The following EPC2 variants were observed in gnomAD, a reference collection of about 807,000 sequenced individuals.
The protein encoded by EPC2 is enhancer of polycomb 2, also known as enhancer of polycomb homolog 2.
In EPC2, 14 loss-of-function variants were observed where a neutral mutation model predicts 92.1. The observed-to-expected ratio is 0.15, with a 90% CI of 0.10 to 0.24. The LOEUF is 0.24. Among genes scored for constraint, EPC2 ranks in the 10% least tolerant of loss-of-function variants. The pLI is 1.00. For missense variants in EPC2, 755 were observed against 971.5 expected (o/e 0.78, Z 2.96); for synonymous variants, 340 against 334.7 (o/e 1.02, Z -0.17).
At chr2:148,743,412 C>T (rs959695438) in intron 2 of EPC2, among the ~76,000 whole-genome samples, 5 of 152,020 alleles carry the variant, frequency 3.3e-5, no homozygotes, top group African/African-American at 4.8e-5. Context: ...TATTTCTTAA[C>T]GTTTTTACTG....
chr2:148,710,298 G>A (rs564862943), intron 2 of EPC2, among the ~76,000 whole-genome samples: 19 of 152,326 alleles, frequency 1.2e-4, no homozygotes, highest in African/African-American at 3.8e-4. Context: ...ACCAAAATGA[G>A]ATGCCATCTC....
At chr2:148,767,196 TCA>T (rs1491093843) in intron 7 of EPC2, among the ~76,000 whole-genome samples, 4 of 59,906 alleles carry the variant, frequency 6.7e-5, no homozygotes, top group Admixed American at 2.6e-4. Context: ...AGACCCTGTT[TCA>T]AAAAAAAAAA....
intron 1 of EPC2, among the ~76,000 whole-genome samples, chr2:148,658,815 CTATA>C (rs964639475): frequency 3.3e-5 from 5 of 151,246 alleles, no homozygotes; most frequent in African/African-American, 7.3e-5. Context: ...TGATATTAAA[CTATA>C]TATGTATGTT....
At chr2:148,654,728 C>T (rs1029534458) in intron 1 of EPC2, among the ~76,000 whole-genome samples, 9 of 152,116 alleles carry the variant, frequency 5.9e-5, no homozygotes, top group Admixed American at 1.3e-4. Context: ...GTGTGTTTTC[C>T]TCCTTCCTTC....
intron 2 of EPC2, among the ~76,000 whole-genome samples, chr2:148,712,564 A>G (rs1682169254): frequency 6.6e-6 from 1 of 152,212 alleles, no homozygotes; most frequent in African/African-American, 2.4e-5. Flanking sequence ...ATGCTGGTGT[A>G]AACAAATCTG....
rs190915551 is a variant in EPC2 at position 148,784,951 on chromosome 2, G to A, written c.2301G>A (p.Met767Ile). The A allele has an allele frequency of 2.6e-6, 4 of 1,559,090 alleles. No individual in the cohort carries two copies. The African/African-American group carries it at 5.4e-5, about 21-fold the overall frequency. The stretch of plus-strand genomic sequence containing the variant: ...AACTTGCCACAGTTGCTGCCAGTAT[G>A]GACAGAGTGCCAAAGGTTACTCCCA... ...ALKLATVAAS[M>I]DRVPKVTPSS... Residue 767 changes from methionine to isoleucine, a missense_variant, in exon 13 of 14, where the codon ATG (methionine) becomes ATA (isoleucine). Around this residue, in one of 4 missense-constraint regions of EPC2, gnomAD observed 207 missense variants for 260.5 expected, o/e 0.79. Transcript: ENST00000258484.
At chr2:148,666,473 T>G (rs1202558484) in intron 1 of EPC2, among the ~76,000 whole-genome samples, 3 of 152,184 alleles carry the variant, frequency 2.0e-5, no homozygotes, top group Non-Finnish European at 2.9e-5. Context: ...AATTTTTAAT[T>G]TATTGCATAC....
intron 3 of EPC2, among the ~76,000 whole-genome samples, chr2:148,747,827 T>C (rs1353142483): frequency 1.3e-5 from 2 of 152,114 alleles, no homozygotes; most frequent in Non-Finnish European, 2.9e-5. Flanking sequence ...CTTAAGCTGC[T>C]AGTAGTTTTT....
intron 2 of EPC2, among the ~76,000 whole-genome samples, chr2:148,739,725 TTCTCA>T (rs889736813): frequency 6.6e-6 from 1 of 152,060 alleles, no homozygotes; most frequent in Admixed American, 6.6e-5. Context: ...TGCAAGGAAC[TTCTCA>T]TCTACTTTCC....
intron 2 of EPC2, among the ~76,000 whole-genome samples, chr2:148,699,954 G>A (rs1255640606): frequency 2.0e-5 from 3 of 152,092 alleles, no homozygotes; most frequent in Non-Finnish European, 4.4e-5. Context: ...TGTCACTGTT[G>A]TAATTTGCCG....
chr2:148,675,773 G>A (rs1464967769), intron 1 of EPC2, among the ~76,000 whole-genome samples: 1 of 152,060 alleles, frequency 6.6e-6, no homozygotes, highest in Non-Finnish European at 1.5e-5. Context: ...GGTTTTATAC[G>A]TTTTTTAGTC....
chr2:148,765,091 A>G lies in EPC2; in HGVS notation c.1085A>G (p.Lys362Arg), dbSNP rs1415387307. 17 of 1,605,948 alleles carry G rather than the reference A, an allele frequency of 1.1e-5. 1 individual carries two copies. The highest frequency in any genetic ancestry group is 1.4e-5 in the Non-Finnish European group (17 of 1,175,536). The change falls in exon 7 of 14, where the codon AAG becomes AGG. Residue 362 changes from lysine to arginine, a missense_variant. Physicochemically the swap from Lys to Arg is conservative, Grantham distance 26 (BLOSUM62 2). Transcript: ENST00000258484. ...PTPETLPVIN[K>R]SDIKQYDFHS... ...CCTGAGACATTGCCTGTGATCAATA[A>G]GAGTGACATTAAGCAATATGATTTT...
intron 2 of EPC2, among the ~76,000 whole-genome samples, chr2:148,705,582 C>T (rs1407759570): frequency 2.6e-5 from 4 of 152,118 alleles, no homozygotes; most frequent in Non-Finnish European, 5.9e-5. Context: ...CAGTAGGGGC[C>T]GACTGACACC....
intron 1 of EPC2, among the ~76,000 whole-genome samples, chr2:148,685,686 C>T (rs1053111103): frequency 2.0e-5 from 3 of 152,134 alleles, no homozygotes; most frequent in Non-Finnish European, 2.9e-5. Flanking sequence ...GCGTGAGCTC[C>T]GCTTCGGGGG....
At position 148,748,923 on chromosome 2, in the gene EPC2, CT is replaced by C. The variant is rs1171521247; in HGVS notation, c.460-5003del. Among the ~76,000 whole-genome samples the C allele has an allele frequency of 2.0e-5, 3 of 152,250 alleles. No individual in the cohort carries two copies. The South Asian group carries it at 6.2e-4, about 32-fold the overall frequency. On this transcript the variant is annotated intron_variant, in intron 3 of 13. Coordinates refer to ENST00000258484, the MANE Select transcript of EPC2 (RefSeq NM_015630.4). ...TTTTTATTATTTTTCAGCTGGACCACTGCTATTCTGCCACTAGCTATTTTAT... is the reference window on the plus strand; with the variant it reads ...TTTTTATTATTTTTCAGCTGGACCACGCTATTCTGCCACTAGCTATTTTAT...
intron 1 of EPC2, among the ~76,000 whole-genome samples, chr2:148,650,438 C>A (rs952552064): frequency 6.6e-6 from 1 of 152,046 alleles, no homozygotes; most frequent in African/African-American, 2.4e-5. Flanking sequence ...TTTCACACGC[C>A]GATATGGTTG....
At chr2:148,731,158 C>T (rs1682620409) in intron 2 of EPC2, among the ~76,000 whole-genome samples, 1 of 152,038 alleles carries the variant, frequency 6.6e-6, no homozygotes, top group South Asian at 2.1e-4. Flanking sequence ...GAGGTACAGT[C>T]AGTGTTGGTT....
chr2:148,669,054 A>G (rs2105359333), intron 1 of EPC2, among the ~76,000 whole-genome samples: 1 of 151,782 alleles, frequency 6.6e-6, no homozygotes, highest in East Asian at 1.9e-4. Context: ...TTGTATTTTC[A>G]TTTAGTTCAA....
intron 1 of EPC2, among the ~76,000 whole-genome samples, chr2:148,658,786 T>A (rs891635908): frequency 6.6e-6 from 1 of 152,002 alleles, no homozygotes; most frequent in African/African-American, 2.4e-5. Context: ...TTACTACTTA[T>A]GCAATGATAA....
Sources: gnomAD v4.1 joint callset for allele counts (sites outside exome capture counted in the v4.1 genomes callset) on GRCh38, gnomAD v4.1.1 for gene constraint, gnomAD v4.1.1 regional missense constraint, MANE v1.5 for transcripts, NCBI Gene and HGNC (gene_info 2026-07-23, HGNC 2026-07-21) for gene names.